Variants in PC observed in about 807,000 individuals in gnomAD.
PC encodes pyruvate carboxylase, mitochondrial.
Under a neutral mutation model 107.8 loss-of-function variants are expected in PC, and 46 were observed. That is an observed-to-expected ratio of 0.43 (90% CI 0.34 to 0.55). The LOEUF (loss-of-function observed/expected upper bound fraction) is 0.55, where lower values mean the gene tolerates loss of function less well. Among genes scored for constraint, PC ranks in the 20% least tolerant of loss-of-function variants. The pLI is 0.04. For synonymous variants in PC, 662 were observed against 684.7 expected (o/e 0.97, Z 0.52); for missense variants, 1,241 against 1,643.1 (o/e 0.76, Z 4.23).
At chr11:66,927,138 T>C (rs1348795756) in intron 3 of PC, among the ~76,000 whole-genome samples, 2 of 143,194 alleles carry the variant, frequency 1.4e-5, no homozygotes, top group African/African-American at 5.2e-5. Context: ...ATTACAGGCA[T>C]GCACCATCAT....
chr11:66,925,324 G>A (rs1224856206), intron 3 of PC, among the ~76,000 whole-genome samples: 5 of 152,068 alleles, frequency 3.3e-5, no homozygotes, highest in Admixed American at 2.0e-4. Context: ...TCATCCCTAC[G>A]GCTTAGACCA....
intron 3 of PC, among the ~76,000 whole-genome samples, chr11:66,934,969 C>T (rs1948958746): frequency 1.3e-5 from 2 of 152,216 alleles, no homozygotes; most frequent in Non-Finnish European, 2.9e-5. Flanking sequence ...GAGGTCATTA[C>T]TACTCTTCCA....
chr11:66,929,052 C>G (rs1234231024), intron 3 of PC, among the ~76,000 whole-genome samples: 2 of 152,176 alleles, frequency 1.3e-5, no homozygotes, highest in African/African-American at 4.8e-5. Context: ...TAGCCACCAT[C>G]TAAGACTTAC....
intron 12 of PC, among the ~76,000 whole-genome samples, chr11:66,855,708 C>T (rs12418114): frequency 3.3e-5 from 5 of 152,232 alleles, no homozygotes; most frequent in African/African-American, 1.2e-4. Flanking sequence ...AACGCCACAG[C>T]TGAGGCCCAG....
chr11:66,858,221 G>A lies in PC; in HGVS notation c.1369-4838C>T. On this transcript the variant is annotated intron_variant, in intron 12 of 22. Transcript: ENST00000393960. This position sits in a 1 kb window ranked among gnomAD's most constrained non-coding sequence, Gnocchi z 5.9. ...ACCTGTCCTACAACAACCTCCGGCA[G>A]GTGCCCTGGGCCGGCATCGGCGCCA... 1.2e-6 allele frequency: 2 copies of A among 1,612,510 alleles called. No individual in the cohort carries two copies. Among genetic ancestry groups the A allele is most frequent in the South Asian group, 2.2e-5 (2 of 91,076 alleles).
chr11:66,856,924 C>G (rs893414723), intron 12 of PC: 2 of 146,548 alleles, frequency 1.4e-5, no homozygotes, highest in Non-Finnish European at 3.0e-5. Flanking sequence ...GCCCGGGCCT[C>G]GGGCGTGACT....
chr11:66,881,526 C>A (rs1484658935), intron 3 of PC, among the ~76,000 whole-genome samples: 2 of 152,246 alleles, frequency 1.3e-5, no homozygotes, highest in Non-Finnish European at 2.9e-5. Context: ...CAGGCTGAGG[C>A]AGGGCGAGGG....
chr11:66,911,892 T>C (rs1040725192), intron 3 of PC, among the ~76,000 whole-genome samples: 2 of 151,868 alleles, frequency 1.3e-5, no homozygotes, highest in Non-Finnish European at 2.9e-5. Context: ...ATTAGCCGGG[T>C]GTGGTGGCAC....
At chr11:66,863,045 A>G (rs988965661) in intron 12 of PC, among the ~76,000 whole-genome samples, 1 of 152,206 alleles carries the variant, frequency 6.6e-6, no homozygotes. Context: ...TCCAGAAATT[A>G]AGAATTATCT....
intron 1 of PC, among the ~76,000 whole-genome samples, chr11:66,956,846 C>T (rs1949571407): frequency 2.0e-5 from 3 of 152,220 alleles, no homozygotes; most frequent in South Asian, 2.1e-4. Context: ...ACCTCACCCA[C>T]TAGGCTCTCT....
chr11:66,863,873 G>A lies in PC; in HGVS notation c.1269C>T (p.Asp423=), dbSNP rs1387760011. Residue 423 remains aspartate (D), a synonymous_variant, in exon 12 of 23, where the codon GAC becomes GAT. Transcript: ENST00000393960. The stretch of plus-strand genomic sequence containing the variant: ...GGGCAATGACTTTGACCAGCAGGGA[G>A]TCGTAGTGGGGCGAGATGACGGCTC... ...FQGAVISPHY[D]SLLVKVIAHG... 4 of 1,614,010 alleles carry A rather than the reference G, an allele frequency of 2.5e-6. No individual in the cohort carries two copies. Among genetic ancestry groups the A allele is most frequent in the Non-Finnish European group, 1.7e-6 (2 of 1,180,034 alleles).
At chr11:66,920,135 C>T (rs979870087) in intron 3 of PC, among the ~76,000 whole-genome samples, 1 of 152,122 alleles carries the variant, frequency 6.6e-6, no homozygotes, top group South Asian at 2.1e-4. Flanking sequence ...GAGTATACCA[C>T]GCCTCTTGCT....
chr11:66,860,546 C>T (rs1488030099), intron 12 of PC: 3 of 701,848 alleles, frequency 4.3e-6, no homozygotes, highest in East Asian at 2.7e-5. Context: ...GCTGGTGGCA[C>T]ACGGACAAGG....
At position 66,852,334 on chromosome 11, in the gene PC, C is replaced by T; in HGVS notation, c.1825+105G>A. 1.0e-6 allele frequency: 1 copy of T among 978,146 alleles called. No homozygotes were observed. The highest frequency in any genetic ancestry group is 1.3e-5 in the South Asian group (1 of 76,224). The allele number at this position is 978,146 out of a possible 1,614,324, so 60.6% of individuals were successfully genotyped here. On this transcript the variant is annotated intron_variant, in intron 15 of 22. Transcript: ENST00000393960. The surrounding 1 kb of genome is among the most constrained non-coding windows in gnomAD (Gnocchi z 4.7). ...TCTTCGGTCCTTCCTCTTTGGTGTT[C>T]TTCGTGTCAGCGTCTCTAGCTTGTC...
At chr11:66,941,375 T>G (rs190079884) in intron 3 of PC, among the ~76,000 whole-genome samples, 38 of 152,310 alleles carry the variant, frequency 2.5e-4, no homozygotes, top group African/African-American at 8.4e-4. Flanking sequence ...CTCAAAGAGA[T>G]ATTTGTACAC....
chr11:66,869,268 T>G (rs1946627132), intron 9 of PC, among the ~76,000 whole-genome samples: 1 of 151,874 alleles, frequency 6.6e-6, no homozygotes, highest in South Asian at 2.1e-4. Flanking sequence ...CACCTTGCCC[T>G]GCTGCCTCCT....
chr11:66,851,417 C>T, intron 16 of PC, 137 bp from the exon 17 acceptor site: 1 of 1,315,402 alleles, frequency 7.6e-7, no homozygotes, highest in Non-Finnish European at 1.1e-6. Flanking sequence ...GGTGTGGCAT[C>T]CACAGGCGGG....
rs2135943084 is a variant in PC, at chr11:66,871,906, G to A, written c.137-35C>T. 1.3e-6 allele frequency: 2 copies of A among 1,596,840 alleles called. No individual in the cohort carries two copies. The highest frequency in any genetic ancestry group is 8.5e-7 in the Non-Finnish European group (1 of 1,174,136). ...AAAGAAACAAGAAGTTAGATTCCTAGGTCCTAGGAGAAGCAGAAAGGGGAG... is the reference window on the plus strand; with the variant it reads ...AAAGAAACAAGAAGTTAGATTCCTAAGTCCTAGGAGAAGCAGAAAGGGGAG... On this transcript the variant is annotated intron_variant, in intron 4 of 22. Coordinates refer to ENST00000393960, the MANE Select transcript of PC (RefSeq NM_001040716.2). This position sits in a 1 kb window ranked among gnomAD's most constrained non-coding sequence, Gnocchi z 7.4.
intron 3 of PC, among the ~76,000 whole-genome samples, chr11:66,951,747 G>A (rs1318778243): frequency 6.6e-6 from 1 of 152,030 alleles, no homozygotes; most frequent in Non-Finnish European, 1.5e-5. Flanking sequence ...AAAATTAGCT[G>A]GGCATGGCAG....
Sources: gnomAD v4.1 joint callset for allele counts (sites outside exome capture counted in the v4.1 genomes callset) on GRCh38, gnomAD v4.1.1 for gene constraint, Gnocchi (gnomAD v3.1) non-coding constraint, MANE v1.5 for transcripts, NCBI Gene and HGNC (gene_info 2026-07-23, HGNC 2026-07-21) for gene names.